The following CEP63 variants were observed in gnomAD, a reference collection of about 807,000 sequenced individuals.
The protein encoded by CEP63 is centrosomal protein 63, also known as centrosomal protein of 63 kDa.
In CEP63, 84 loss-of-function variants were observed where a neutral mutation model predicts 89.1. That is an observed-to-expected ratio of 0.94 (90% confidence interval 0.79 to 1.13). CEP63 has a LOEUF of 1.13. CEP63 is among the 50% of genes most tolerant of loss of function. CEP63 has a pLI of 0.00. For missense variants in CEP63, 838 were observed against 813.3 expected, an observed-to-expected ratio of 1.03 and a Z score of -0.37; for synonymous variants, 267 against 272.5, an observed-to-expected ratio of 0.98 and a Z score of 0.20.
the CEP63 span, among the ~76,000 whole-genome samples, chr3:134,691,698 A>G: frequency 1.3e-5 from 2 of 152,074 alleles, no homozygotes; most frequent in Non-Finnish European, 2.9e-5. Flanking sequence ...AAACAAATCT[A>G]TTTTCCCAAA....
the CEP63 span, among the ~76,000 whole-genome samples, chr3:134,750,630 G>T: frequency 5.4e-3 from 821 of 152,160 alleles, 8 homozygotes; most frequent in African/African-American, 0.019. Context: ...GGAGACAGGT[G>T]GGGGAAGCCA....
the CEP63 span, chr3:134,629,663 C>T: frequency 6.2e-7 from 1 of 1,600,048 alleles, no homozygotes; most frequent in Non-Finnish European, 8.5e-7. Context: ...GGCATGGCAT[C>T]TCGAGGGTGG....
intron 3 of CEP63, among the ~76,000 whole-genome samples, chr3:134,519,836 T>C (rs1331179133): frequency 6.6e-6 from 1 of 152,204 alleles, no homozygotes; most frequent in Non-Finnish European, 1.5e-5. Context: ...ACCATAGTTA[T>C]CTCAATCCAG....
At chr3:134,678,945 T>C in the CEP63 span, among the ~76,000 whole-genome samples, 1 of 152,158 alleles carries the variant, frequency 6.6e-6, no homozygotes, top group Non-Finnish European at 1.5e-5. Context: ...TAACAAAGAA[T>C]AGTTCCCCCA....
At chr3:134,606,443 A>C in the CEP63 span, among the ~76,000 whole-genome samples, 1 of 151,272 alleles carries the variant, frequency 6.6e-6, no homozygotes, top group African/African-American at 2.4e-5. Flanking sequence ...CCTCCCCACC[A>C]CTTCCCCCAA....
chr3:134,638,130 T>C, the CEP63 span, among the ~76,000 whole-genome samples: 2 of 152,164 alleles, frequency 1.3e-5, no homozygotes, highest in African/African-American at 4.8e-5. Flanking sequence ...TCACTTACTG[T>C]TGTGTGAGGG....
intron 3 of CEP63, among the ~76,000 whole-genome samples, chr3:134,528,553 G>GGTGTGT (rs71139537): frequency 4.6e-5 from 5 of 108,816 alleles, no homozygotes; most frequent in Admixed American, 1.0e-4. Context: ...CTTAAGGAGG[G>GGTGTGT]GTGTGTGTGT....
the CEP63 span, among the ~76,000 whole-genome samples, chr3:134,707,227 G>A: frequency 1.3e-5 from 2 of 152,190 alleles, no homozygotes; most frequent in Admixed American, 6.5e-5. Context: ...GAGGATAAAA[G>A]GAGACACATA....
the CEP63 span, among the ~76,000 whole-genome samples, chr3:134,661,991 G>T: frequency 6.6e-6 from 1 of 152,176 alleles, no homozygotes; most frequent in African/African-American, 2.4e-5. Context: ...TAGCAAGAAG[G>T]TGCCGGCTGG....
chr3:134,722,537 A>G, the CEP63 span, among the ~76,000 whole-genome samples: 1 of 151,720 alleles, frequency 6.6e-6, no homozygotes, highest in Non-Finnish European at 1.5e-5. Context: ...TTGTTTTTCT[A>G]TCCTTTCTTT....
At chr3:134,760,582 G>A in the CEP63 span, among the ~76,000 whole-genome samples, 5 of 152,140 alleles carry the variant, frequency 3.3e-5, no homozygotes, top group African/African-American at 1.2e-4. Flanking sequence ...ACCATTTATT[G>A]AGCAATTCCT....
At chr3:134,574,209 C>T (rs1327284769) in intron 11 of CEP63, among the ~76,000 whole-genome samples, 2 of 152,150 alleles carry the variant, frequency 1.3e-5, no homozygotes, top group Admixed American at 1.3e-4. Context: ...TGCTCACTGC[C>T]GAAGTGCAGC....
chr3:134,663,657 A>C, the CEP63 span, among the ~76,000 whole-genome samples: 265 of 152,304 alleles, frequency 1.7e-3, no homozygotes, highest in African/African-American at 6.0e-3. Context: ...GCAGGTTCTC[A>C]AGTCCTGGTG....
the CEP63 span, chr3:134,619,281 G>C: frequency 5.0e-6 from 8 of 1,595,234 alleles, no homozygotes; most frequent in South Asian, 8.8e-5. Context: ...GGGCAGGTGA[G>C]GGGATCATGA....
chr3:134,725,337 T>C, the CEP63 span, among the ~76,000 whole-genome samples: 1 of 151,994 alleles, frequency 6.6e-6, no homozygotes, highest in East Asian at 1.9e-4. Context: ...ATTGTATAGG[T>C]TTCAGAGCCC....
At position 134,574,851 on chromosome 3, in the gene CEP63, G is replaced by C. The variant is rs759286009; in HGVS notation, c.1388G>C (p.Arg463Pro). 6 of 616,204 alleles carry C rather than the reference G, an allele frequency of 9.7e-6. No homozygotes were observed. The South Asian group carries it at 1.1e-4, about 11-fold the overall frequency. The allele number at this position is 616,204 out of a possible 1,614,324, so 38.2% of individuals were successfully genotyped here. A position where few individuals can be genotyped will look rare whatever the true frequency, so the allele number is the denominator to read the frequency against. The change falls in exon 12 of 12, where the codon CGC (arginine) becomes CCC (proline). Residue 463 changes from arginine to proline, a missense_variant. Coordinates refer to the CEP63 transcript ENST00000354446. ...TTGAACTTCGGGATTCAAGCAATCC[G>C]CCAGCCTCAGCGTCCCAAAGTGCTG...
chr3:134,664,546 G>C, the CEP63 span, among the ~76,000 whole-genome samples: 1 of 152,174 alleles, frequency 6.6e-6, no homozygotes, highest in South Asian at 2.1e-4. Context: ...GATACATCAG[G>C]GTGGTGATGT....
the CEP63 span, chr3:134,625,144 A>C: frequency 1.9e-6 from 3 of 1,590,556 alleles, no homozygotes; most frequent in Non-Finnish European, 2.6e-6. Context: ...GGCTGGAAAC[A>C]CAGGGCACCT....
In CEP63 at chr3:134,558,333, G is replaced by A. The variant is rs1485189832; in HGVS notation, c.1659G>A (p.Lys553=). 5.0e-6 allele frequency: 8 copies of A among 1,610,676 alleles called. No homozygotes were observed. The highest frequency in any genetic ancestry group is 5.9e-6 in the Non-Finnish European group (7 of 1,178,408). ...CACACAGCAGAACAACTGAGTTCAA[G>A]AATACAGAGTTCAAGTAAAATTTTT... ...KPTHSRTTEF[K]NTEFKPTHGQ... The change falls in exon 13 of 15, where the codon AAG becomes AAA. Residue 553 remains lysine, a synonymous_variant. Coordinates refer to ENST00000675561, the MANE Select transcript of CEP63 (RefSeq NM_001353108.3).
Sources: allele counts gnomAD v4.1 joint callset (sites outside exome capture counted in the v4.1 genomes callset), GRCh38; gene constraint gnomAD v4.1.1; transcripts MANE v1.5; gene names NCBI Gene and HGNC (gene_info 2026-07-23, HGNC 2026-07-21).